KIF1B: variants seen among roughly 807,000 people sequenced by gnomAD.
KIF1B encodes kinesin family member 1B, also known as kinesin-like protein KIF1B.
A neutral mutation model predicts 241.9 loss-of-function variants in KIF1B; 76 were observed. The ratio of observed to expected loss-of-function variants is 0.31; its 90% CI spans 0.26 to 0.38. The LOEUF (loss-of-function observed/expected upper bound fraction) is 0.38. Ranked by LOEUF, KIF1B falls within the 10% of genes least tolerant of loss-of-function variation. KIF1B has a pLI of 1.00. For synonymous variants in KIF1B, 750 were observed against 796.7 expected (o/e 0.94, Z 0.99); for missense variants, 1,622 against 2,271.4 (o/e 0.71, Z 5.81).
At chr1:10,232,057 C>A (rs545966070) in intron 1 of KIF1B, among the ~76,000 whole-genome samples, 193 bp from the exon 2 acceptor site, 1 of 151,958 alleles carries the variant, frequency 6.6e-6, no homozygotes, top group South Asian at 2.1e-4. Context: ...GAGTTCAAAA[C>A]CAACATAACA....
At chr1:10,340,488 C>A (rs183161227) in intron 32 of KIF1B, among the ~76,000 whole-genome samples, 1 of 152,298 alleles carries the variant, frequency 6.6e-6, no homozygotes, top group Admixed American at 6.5e-5. Context: ...TTAATCTTTA[C>A]CTTTATACCA....
At chr1:10,341,249 A>T (rs1485962474) in intron 32 of KIF1B, among the ~76,000 whole-genome samples, 1 of 152,268 alleles carries the variant, frequency 6.6e-6, no homozygotes, top group African/African-American at 2.4e-5. Flanking sequence ...ATGGAAAGCT[A>T]TTTTAAGTTA....
chr1:10,216,637 G>A (rs952997350), intron 1 of KIF1B, among the ~76,000 whole-genome samples: 2 of 152,046 alleles, frequency 1.3e-5, no homozygotes, highest in African/African-American at 4.8e-5. Flanking sequence ...TTTGGTCCCT[G>A]TCGGAGCAGT....
chr1:10,271,869 T>G (rs966515874), intron 8 of KIF1B, among the ~76,000 whole-genome samples: 2 of 152,096 alleles, frequency 1.3e-5, no homozygotes, highest in Admixed American at 1.3e-4. Flanking sequence ...AGGGTGAGAG[T>G]TGAATTGCAT....
intron 2 of KIF1B, among the ~76,000 whole-genome samples, chr1:10,239,305 T>C (rs1202715986): frequency 1.3e-5 from 2 of 152,242 alleles, no homozygotes; most frequent in Admixed American, 1.3e-4. Flanking sequence ...TCTAATCTTT[T>C]CCTTGCATTT....
chr1:10,212,201 GAT>G (rs1395550435), intron 1 of KIF1B, among the ~76,000 whole-genome samples: 2 of 152,204 alleles, frequency 1.3e-5, no homozygotes, highest in Non-Finnish European at 2.9e-5. Flanking sequence ...CTTAAGAGGT[GAT>G]ATCATGGTGG....
chr1:10,367,824 G>T (rs1638618894), intron 43 of KIF1B, among the ~76,000 whole-genome samples: 1 of 152,022 alleles, frequency 6.6e-6, no homozygotes, highest in South Asian at 2.1e-4. Context: ...CACTTCCCGG[G>T]TTCAAGTGAT....
chr1:10,293,662 G>A (rs1385472864), intron 17 of KIF1B, among the ~76,000 whole-genome samples: 2 of 152,078 alleles, frequency 1.3e-5, no homozygotes, highest in East Asian at 1.9e-4. Context: ...GAAGTGCTGG[G>A]ATTACAGGCA....
intron 43 of KIF1B, among the ~76,000 whole-genome samples, chr1:10,366,926 G>A (rs772987042): frequency 4.6e-5 from 7 of 151,678 alleles, no homozygotes; most frequent in Non-Finnish European, 8.8e-5. Flanking sequence ...AGCCGAGATC[G>A]CGCCACTGCA....
chr1:10,281,200 C>G (rs762605221), intron 14 of KIF1B, among the ~76,000 whole-genome samples: 6 of 152,122 alleles, frequency 3.9e-5, no homozygotes, highest in Non-Finnish European at 7.4e-5. Context: ...TGTATTGACT[C>G]ATCTCCTTTG....
chr1:10,216,973 T>C (rs1393181591), intron 1 of KIF1B, among the ~76,000 whole-genome samples: 58 of 112,498 alleles, frequency 5.2e-4, no homozygotes, highest in African/African-American at 2.1e-3. Flanking sequence ...TTTTTTTTTT[T>C]TTTTTTTTTT....
intron 39 of KIF1B, among the ~76,000 whole-genome samples, chr1:10,361,420 C>T (rs1247188977): frequency 1.3e-5 from 2 of 152,202 alleles, no homozygotes; most frequent in Admixed American, 6.5e-5. Context: ...CTGCCACTTA[C>T]TTCCTCTATG....
chr1:10,218,370 T>C (rs1179786554), intron 1 of KIF1B, among the ~76,000 whole-genome samples: 1 of 152,120 alleles, frequency 6.6e-6, no homozygotes, highest in African/African-American at 2.4e-5. Context: ...GAAACTGCTG[T>C]TTTTCTGGCT....
Position 10,342,121 on chromosome 1 carries a change from G to A in KIF1B, c.3585G>A (p.Gly1195=), listed in dbSNP as rs760995065. 1 of 1,613,792 alleles carries A rather than the reference G, an allele frequency of 6.2e-7. No homozygotes were observed. ...KTKPIVFEVF[G]HYQQHPLHLQ... is the part of the protein sequence containing the mutation. ...AGCCTATTGTATTTGAAGTCTTTGG[G>A]CATTATCAGCAGCACCCACTTCATC... Residue 1195 remains glycine, a synonymous_variant, in exon 33 of 49, where the codon GGG becomes GGA. Transcript: ENST00000676179.
At position 10,321,812 on chromosome 1, in the gene KIF1B, G is replaced by C; in HGVS notation, c.2313G>C (p.Val771=). 6.2e-7 allele frequency: 1 copy of C among 1,614,196 alleles called. No individual in the cohort carries two copies. Among genetic ancestry groups the C allele is most frequent in the South Asian group, 1.1e-5 (1 of 91,078 alleles). ...GGGACTTACTCTGGGGCAATGCCGT[G>C]TACCTAAAGGAGGCCAATGCCATCA... is the stretch of plus-strand genomic sequence containing the variant. ...SLRDLLWGNA[V]YLKEANAISV... The change falls in exon 24 of 49, where the codon GTG becomes GTC. Residue 771 remains valine (V), a synonymous_variant. Coordinates refer to ENST00000676179, the MANE Select transcript of KIF1B (RefSeq NM_001365951.3).
chr1:10,268,128 G>T (rs1269974319), intron 6 of KIF1B, 24 bp from the exon 7 acceptor site: 2 of 1,504,930 alleles, frequency 1.3e-6, no homozygotes, highest in South Asian at 1.1e-5. Context: ...CCCTTGTCAC[G>T]TGGTCACCTT....
intron 2 of KIF1B, among the ~76,000 whole-genome samples, chr1:10,235,204 A>G (rs1647035273): frequency 6.6e-6 from 1 of 151,690 alleles, no homozygotes; most frequent in Non-Finnish European, 1.5e-5. Context: ...TAATTTCAAT[A>G]CAGGATAAAA....
Position 10,218,658 on chromosome 1 carries a change from T to C in KIF1B, c.-80+7780T>C, listed in dbSNP as rs1166808394. Among the ~76,000 whole-genome samples, 4 of 152,220 alleles carry C rather than the reference T, an allele frequency of 2.6e-5. No individual in the cohort carries two copies. In the East Asian group the frequency reaches 5.8e-4, roughly 22 times the overall value. On this transcript the variant is annotated intron_variant, in intron 1 of 48. Coordinates refer to ENST00000676179, the MANE Select transcript of KIF1B (RefSeq NM_001365951.3). The stretch of plus-strand genomic sequence containing the variant: ...CTGGTCTTGAACTCCTGACCTCAAG[T>C]GATCCACCCGCCTTGGCCTCCCAAA...
chr1:10,375,113 C>G, intron 47 of KIF1B, 67 bp downstream of exon 47: 1 of 1,544,028 alleles, frequency 6.5e-7, no homozygotes, highest in Non-Finnish European at 9.0e-7. Flanking sequence ...TCTGCACTCT[C>G]TGTTACGTGG....
Sources: allele counts gnomAD v4.1 joint callset (sites outside exome capture counted in the v4.1 genomes callset), GRCh38; gene constraint gnomAD v4.1.1; transcripts MANE v1.5; gene names NCBI Gene and HGNC (gene_info 2026-07-23, HGNC 2026-07-21).